Variants in RIPOR3 observed in about 807,000 individuals in gnomAD.
RIPOR3 encodes the protein RIPOR family member 3, also known as family with sequence similarity 65 member C.
Under a neutral mutation model 114.3 loss-of-function variants are expected in RIPOR3, and 95 were observed. The observed-to-expected ratio is 0.83, with a 90% CI of 0.70 to 0.99. The LOEUF is 0.99. RIPOR3 is among the 50% of genes least tolerant of loss of function. The pLI is 0.00. For synonymous variants in RIPOR3, 575 were observed against 543.8 expected (o/e 1.06, Z -0.80); for missense variants, 1,252 against 1,266.9 (o/e 0.99, Z 0.18).
At chr20:50,592,872 T>TC (rs572038385) in intron 18 of RIPOR3, among the ~76,000 whole-genome samples, 163 bp downstream of exon 18, 58 of 152,338 alleles carry the variant, frequency 3.8e-4, no homozygotes, top group Middle Eastern at 3.4e-3. Flanking sequence ...GGAGCTAATA[T>TC]CAGCCCCCAT....
At chr20:50,620,448 G>A (rs984932254) in intron 2 of RIPOR3, among the ~76,000 whole-genome samples, 6 of 152,056 alleles carry the variant, frequency 3.9e-5, no homozygotes, top group South Asian at 2.1e-4. Context: ...CCAACATGGC[G>A]AAACCCTGTC....
chr20:50,644,676 CTTTTTTTTTTTT>C (rs61225138), intron 1 of RIPOR3, among the ~76,000 whole-genome samples: 25 of 74,582 alleles, frequency 3.4e-4, no homozygotes, highest in Non-Finnish European at 3.2e-4. Context: ...TTTTTGTTTG[CTTTTTTTTTTTT>C]TTTTTTTTTT....
intron 13 of RIPOR3, among the ~76,000 whole-genome samples, chr20:50,601,759 A>G (rs1274390596): frequency 6.6e-6 from 1 of 152,124 alleles, no homozygotes; most frequent in African/African-American, 2.4e-5. Context: ...CAACACTCCA[A>G]GTTTGGGTTT....
At chr20:50,658,731 T>C (rs1326211432) in intron 1 of RIPOR3, among the ~76,000 whole-genome samples, 4 of 152,176 alleles carry the variant, frequency 2.6e-5, no homozygotes, top group African/African-American at 9.7e-5. Context: ...AATCAATCTT[T>C]ACATGTTATT....
At chr20:50,609,389 C>A in intron 7 of RIPOR3, 33 bp from the exon 8 acceptor site, 1 of 1,608,440 alleles carries the variant, frequency 6.2e-7, no homozygotes, top group South Asian at 1.1e-5. Context: ...CAGCTGGCTG[C>A]CTGGGGCTAG....
chr20:50,636,762 G>C (rs2085003596), intron 1 of RIPOR3: 1 of 985,442 alleles, frequency 1.0e-6, no homozygotes, highest in Admixed American at 6.1e-5. Context: ...GGAGGAAGCA[G>C]AGTCTACTCC....
At chr20:50,642,081 C>T (rs897558562) in intron 1 of RIPOR3, among the ~76,000 whole-genome samples, 5 of 152,176 alleles carry the variant, frequency 3.3e-5, no homozygotes, top group Admixed American at 3.3e-4. Context: ...GCTCCCACTT[C>T]CCTCCTTTAC....
At chr20:50,658,433 C>T (rs1248183817) in intron 1 of RIPOR3, among the ~76,000 whole-genome samples, 3 of 152,140 alleles carry the variant, frequency 2.0e-5, no homozygotes, top group East Asian at 1.9e-4. Flanking sequence ...TTGGACTGAG[C>T]GAGGTGGCTC....
chr20:50,669,088 TG>T (rs1426221199), intron 1 of RIPOR3, among the ~76,000 whole-genome samples: 2 of 151,904 alleles, frequency 1.3e-5, no homozygotes, highest in Admixed American at 1.3e-4. Flanking sequence ...TATGTACACA[TG>T]GCGCGCACAC....
intron 1 of RIPOR3, among the ~76,000 whole-genome samples, chr20:50,644,643 C>G (rs1350883620): frequency 6.7e-6 from 1 of 149,750 alleles, no homozygotes; most frequent in Non-Finnish European, 1.5e-5. Flanking sequence ...GCCACCATGA[C>G]CGGCTAATTT....
intron 11 of RIPOR3, 123 bp from the exon 12 acceptor site, chr20:50,604,897 G>A: frequency 8.2e-7 from 1 of 1,213,210 alleles, no homozygotes; most frequent in Non-Finnish European, 1.1e-6. Context: ...ACAATAGCAT[G>A]GATGGTGTGT....
intron 21 of RIPOR3, 109 bp downstream of exon 21, chr20:50,587,693 C>T: frequency 9.7e-7 from 1 of 1,031,802 alleles, no homozygotes; most frequent in Non-Finnish European, 1.5e-6. Context: ...GTGCCCATCC[C>T]AGGTGCCCCA....
chr20:50,614,541 G>T, intron 4 of RIPOR3: 1 of 170,158 alleles, frequency 5.9e-6, no homozygotes. Context: ...TTTTCTCAAG[G>T]CAGCAGCGGA....
At chr20:50,627,660 GC>G (rs951654958) in intron 2 of RIPOR3, among the ~76,000 whole-genome samples, 1 of 152,072 alleles carries the variant, frequency 6.6e-6, no homozygotes, top group African/African-American at 2.4e-5. Context: ...TCCAGCCCGG[GC>G]GAGAGAGAGA....
chr20:50,689,368 G>A (rs1220512152), intron 1 of RIPOR3, among the ~76,000 whole-genome samples: 2 of 151,926 alleles, frequency 1.3e-5, no homozygotes. Context: ...TAGAGATGAG[G>A]TTTCACCATG....
chr20:50,619,954 C>A (rs1005780992), intron 3 of RIPOR3, 32 bp downstream of exon 3: 1 of 1,595,346 alleles, frequency 6.3e-7, no homozygotes, highest in Non-Finnish European at 8.6e-7. Context: ...GAGGAATGCA[C>A]TTCTTAAAGG....
Position 50,602,850 on chromosome 20 carries a change from T to TC in RIPOR3, c.1087-207dup, listed in dbSNP as rs1365654612. On this transcript the variant is annotated intron_variant, in intron 12 of 21. Coordinates refer to ENST00000327979, the MANE Select transcript of RIPOR3 (RefSeq NM_001290268.2). This position sits in a 1 kb window ranked among gnomAD's most constrained non-coding sequence, Gnocchi z 4.3. ...ATCCCCCATCCCGCCTCCAACTCAC[T>TC]CCCCCCAACCTCAACAGCCTCCTGG... 6.6e-6 allele frequency among the ~76,000 whole-genome samples: 1 copy of TC among 151,668 alleles called. No individual in the cohort carries two copies. The highest frequency in any genetic ancestry group is 2.0e-4 in the East Asian group (1 of 5,120).
chr20:50,613,205 T>C (rs1413149566), intron 4 of RIPOR3, among the ~76,000 whole-genome samples: 1 of 152,144 alleles, frequency 6.6e-6, no homozygotes, highest in East Asian at 1.9e-4. Flanking sequence ...CCTAGCCTTT[T>C]GGGAGGCCGA....
chr20:50,687,086 G>A (rs191689517), intron 1 of RIPOR3, among the ~76,000 whole-genome samples: 3 of 152,314 alleles, frequency 2.0e-5, no homozygotes, highest in East Asian at 3.9e-4. Flanking sequence ...GGCATCATTC[G>A]CTGTGCATGA....
Sources: allele counts gnomAD v4.1 joint callset (sites outside exome capture counted in the v4.1 genomes callset), GRCh38; gene constraint gnomAD v4.1.1; non-coding constraint Gnocchi (gnomAD v3.1); transcripts MANE v1.5; gene names NCBI Gene and HGNC (gene_info 2026-07-23, HGNC 2026-07-21).